LYPLAL1: variants seen among roughly 807,000 people sequenced by gnomAD.
The protein encoded by LYPLAL1 is lysophospholipase-like protein 1.
Under a neutral mutation model 19.7 loss-of-function variants are expected in LYPLAL1, and 23 were observed. The observed-to-expected ratio is 1.17, with a 90% CI of 0.84 to 1.65. The LOEUF (loss-of-function observed/expected upper bound fraction) is 1.65, where lower values mean the gene tolerates loss of function less well. Among genes scored for constraint, LYPLAL1 ranks in the 40% most tolerant of loss-of-function variants. The pLI is 0.00. For missense variants in LYPLAL1, 355 were observed against 279.4 expected, an observed-to-expected ratio of 1.27 and a Z score of -1.93; for synonymous variants, 119 against 96.3, an observed-to-expected ratio of 1.24 and a Z score of -1.38.
chr1:219,387,180 T>A, the LYPLAL1 span, among the ~76,000 whole-genome samples: 2 of 152,070 alleles, frequency 1.3e-5, no homozygotes, highest in East Asian at 1.9e-4. Context: ...TGCCTTGGGG[T>A]CTTCATTCAG....
the LYPLAL1 span, among the ~76,000 whole-genome samples, chr1:219,374,135 G>GGT: frequency 1.7e-4 from 25 of 149,430 alleles, no homozygotes; most frequent in South Asian, 6.4e-4. Context: ...GTTTTGTGTG[G>GGT]ATTTTTTTTT....
At chr1:219,189,970 C>T (rs1484371302) in intron 2 of LYPLAL1, among the ~76,000 whole-genome samples, 1 of 151,478 alleles carries the variant, frequency 6.6e-6, no homozygotes, top group Non-Finnish European at 1.5e-5. Flanking sequence ...CCTTACACAA[C>T]TTCAAAATAT....
chr1:219,430,471 A>G, the LYPLAL1 span, among the ~76,000 whole-genome samples: 3 of 152,140 alleles, frequency 2.0e-5, no homozygotes, highest in African/African-American at 7.2e-5. Flanking sequence ...TTTCTTTCCC[A>G]TTCAGGCCAC....
chr1:219,379,893 C>T, the LYPLAL1 span, among the ~76,000 whole-genome samples: 1 of 152,170 alleles, frequency 6.6e-6, no homozygotes, highest in Non-Finnish European at 1.5e-5. Context: ...GAGAAGAAAA[C>T]ATGCCCACGG....
At chr1:219,362,723 C>T in the LYPLAL1 span, among the ~76,000 whole-genome samples, 10 of 152,152 alleles carry the variant, frequency 6.6e-5, no homozygotes, top group East Asian at 1.9e-4. Flanking sequence ...TAGTGTAAGA[C>T]GTTTGCAGTC....
the LYPLAL1 span, among the ~76,000 whole-genome samples, chr1:219,435,934 G>A: frequency 8.8e-4 from 134 of 152,294 alleles, no homozygotes; most frequent in African/African-American, 2.6e-3. Context: ...AAGTAATGCT[G>A]TCTACACAGT....
At chr1:219,269,524 T>G in the LYPLAL1 span, among the ~76,000 whole-genome samples, 1 of 152,222 alleles carries the variant, frequency 6.6e-6, no homozygotes, top group South Asian at 2.1e-4. Flanking sequence ...CTGATTAATA[T>G]TCTATCAATG....
intron 1 of LYPLAL1, among the ~76,000 whole-genome samples, chr1:219,175,776 G>C (rs1045738325): frequency 6.6e-6 from 1 of 152,144 alleles, no homozygotes; most frequent in Non-Finnish European, 1.5e-5. Flanking sequence ...TTATCATCCA[G>C]TAGGTCTTTA....
chr1:219,388,670 C>T, the LYPLAL1 span, among the ~76,000 whole-genome samples: 1 of 152,042 alleles, frequency 6.6e-6, no homozygotes, highest in Non-Finnish European at 1.5e-5. Flanking sequence ...CGTTTGTCTC[C>T]TTGAATGCTC....
At chr1:219,189,205 C>T (rs1234849457) in intron 2 of LYPLAL1, among the ~76,000 whole-genome samples, 1 of 151,530 alleles carries the variant, frequency 6.6e-6, no homozygotes, top group African/African-American at 2.4e-5. Flanking sequence ...CACATTTTAG[C>T]CTATGATATC....
the LYPLAL1 span, among the ~76,000 whole-genome samples, chr1:219,390,640 T>A: frequency 1.3e-5 from 2 of 152,190 alleles, no homozygotes; most frequent in Non-Finnish European, 2.9e-5. Flanking sequence ...ACCTGTTAGG[T>A]CTTTTTGCTC....
the LYPLAL1 span, among the ~76,000 whole-genome samples, chr1:219,245,183 T>C: frequency 1.8e-4 from 2 of 10,846 alleles, no homozygotes; most frequent in Non-Finnish European, 2.7e-4. Flanking sequence ...ATCCCTTCCT[T>C]CCTTCCTTCC....
At chr1:219,229,544 G>A in the LYPLAL1 span, among the ~76,000 whole-genome samples, 1 of 152,176 alleles carries the variant, frequency 6.6e-6, no homozygotes, top group African/African-American at 2.4e-5. Context: ...GCAAAATCCC[G>A]GGATACAGAA....
At chr1:219,291,240 A>G in the LYPLAL1 span, among the ~76,000 whole-genome samples, 1 of 152,206 alleles carries the variant, frequency 6.6e-6, no homozygotes, top group South Asian at 2.1e-4. Flanking sequence ...TAAATTCTCA[A>G]TATGTTACAT....
chr1:219,229,041 T>G, the LYPLAL1 span, among the ~76,000 whole-genome samples: 1 of 152,036 alleles, frequency 6.6e-6, no homozygotes, highest in Non-Finnish European at 1.5e-5. Context: ...AAATAGATAT[T>G]ACTAGTATTC....
the LYPLAL1 span, among the ~76,000 whole-genome samples, chr1:219,297,070 G>A: frequency 6.6e-6 from 1 of 152,212 alleles, no homozygotes; most frequent in Non-Finnish European, 1.5e-5. Flanking sequence ...CCCTCAGAGA[G>A]AAATTCTTTA....
intron 3 of LYPLAL1, among the ~76,000 whole-genome samples, chr1:219,196,111 A>C (rs1230249629): frequency 6.6e-6 from 1 of 152,072 alleles, no homozygotes; most frequent in Non-Finnish European, 1.5e-5. Context: ...CATGTCTGCT[A>C]TTGTGAATAC....
chr1:219,238,467 C>T, the LYPLAL1 span, among the ~76,000 whole-genome samples: 9 of 151,892 alleles, frequency 5.9e-5, 2 homozygotes, highest in African/African-American at 2.2e-4. Flanking sequence ...TTTAATGTTT[C>T]TGTGATGACC....
At chr1:219,307,870 C>T in the LYPLAL1 span, among the ~76,000 whole-genome samples, 3 of 152,198 alleles carry the variant, frequency 2.0e-5, no homozygotes, top group Non-Finnish European at 4.4e-5. Context: ...TCACCTCCCA[C>T]AATGATTCTG....
Sources: allele counts gnomAD v4.1 joint callset (sites outside exome capture counted in the v4.1 genomes callset), GRCh38; gene constraint gnomAD v4.1.1; transcripts MANE v1.5; gene names NCBI Gene and HGNC (gene_info 2026-07-23, HGNC 2026-07-21).